SPTLC2: variants seen among roughly 807,000 people sequenced by gnomAD.
The protein encoded by SPTLC2 is serine palmitoyltransferase 2.
Under a neutral mutation model 62.0 loss-of-function variants are expected in SPTLC2, and 21 were observed. That is an observed-to-expected ratio of 0.34 (90% CI 0.24 to 0.49). The LOEUF (loss-of-function observed/expected upper bound fraction) is 0.49. SPTLC2 is among the 20% of genes least tolerant of loss of function. SPTLC2 has a pLI of 0.99. For missense variants in SPTLC2, 511 were observed against 713.0 expected (o/e 0.72, Z 3.23); for synonymous variants, 261 against 261.8 (o/e 1.00, Z 0.03).
intron 5 of SPTLC2, among the ~76,000 whole-genome samples, chr14:77,564,235 G>GAAA (rs1566781553): frequency 3.4e-5 from 1 of 29,208 alleles, no homozygotes; most frequent in Non-Finnish European, 9.9e-5. Context: ...CTGTCTGGGG[G>GAAA]GAAAAAAAAA....
intron 1 of SPTLC2, among the ~76,000 whole-genome samples, chr14:77,616,190 A>G (rs910664252): frequency 2.6e-5 from 4 of 152,166 alleles, no homozygotes; most frequent in African/African-American, 9.7e-5. Flanking sequence ...GGCAGAGAAA[A>G]GTACCCGGAG....
intron 9 of SPTLC2, among the ~76,000 whole-genome samples, chr14:77,527,355 T>G (rs1371627005): frequency 6.6e-6 from 1 of 152,182 alleles, no homozygotes; most frequent in South Asian, 2.1e-4. Flanking sequence ...GCACCAGGCC[T>G]AGATTTAGTT....
chr14:77,557,565 A>G (rs764754447), intron 6 of SPTLC2, among the ~76,000 whole-genome samples: 1 of 152,248 alleles, frequency 6.6e-6, no homozygotes, highest in Non-Finnish European at 1.5e-5. Context: ...AAACCATCAC[A>G]GACACATACT....
Position 77,506,019 on chromosome 14 carries a change from G to C in SPTLC2, c.*6265C>G, listed in dbSNP as rs1200473214. ...ATATATCTTTCTGAATATTTTATTA[G>C]GGCAAAACAAGATATTTGCATGGGA... On this transcript the variant is annotated 3_prime_UTR_variant, in exon 12 of 12. Coordinates refer to ENST00000216484, the MANE Select transcript of SPTLC2 (RefSeq NM_004863.4). The C allele has an allele frequency of 6.6e-6, 1 of 152,104 alleles. No homozygotes were observed. The highest frequency in any genetic ancestry group is 1.5e-5 in the Non-Finnish European group (1 of 68,010). The allele number at this position is 152,104 out of a possible 1,614,324, so 9.4% of individuals were successfully genotyped here.
In SPTLC2 at chr14:77,531,226, C is replaced by T. The variant is rs77169133; in HGVS notation, c.1304-9645G>A. Among the ~76,000 whole-genome samples the T allele has an allele frequency of 2.6e-5, 4 of 152,300 alleles. No individual in the cohort carries two copies. In the East Asian group the frequency reaches 5.8e-4, roughly 22 times the overall value. ...GCAAAACAGTTCTTCATTGTTTAGGCTGTTTAGTGCCTTGCACAACATTGA... is the reference window on the plus strand; with the variant it reads ...GCAAAACAGTTCTTCATTGTTTAGGTTGTTTAGTGCCTTGCACAACATTGA... On this transcript the variant is annotated intron_variant, in intron 9 of 11. Transcript: ENST00000216484.
chr14:77,559,541 A>G (rs2079603698), intron 6 of SPTLC2, among the ~76,000 whole-genome samples: 1 of 152,212 alleles, frequency 6.6e-6, no homozygotes, highest in Admixed American at 6.5e-5. Context: ...GTGTGGCAAC[A>G]AAAACATTTT....
intron 9 of SPTLC2, among the ~76,000 whole-genome samples, chr14:77,539,483 CTTTT>C (rs71128638): frequency 7.4e-3 from 396 of 53,476 alleles, no homozygotes; most frequent in African/African-American, 0.012. Context: ...TCTTAAGAGG[CTTTT>C]TTTTTTTTTT....
rs1329287599 is a variant in SPTLC2, at chr14:77,596,506, A to AAAAC, written c.327+679_327+680insGTTT. Among the ~76,000 whole-genome samples the AAAAC allele has an allele frequency of 7.3e-5, 10 of 136,946 alleles. No homozygotes were observed. The East Asian group carries it at 1.9e-3, about 26-fold the overall frequency. 89.8% of individuals were successfully genotyped at this position (136,946 alleles called of 152,430 possible). A position where few individuals can be genotyped will look rare whatever the true frequency, so the allele number is the denominator to read the frequency against. On this transcript the variant is annotated intron_variant, in intron 2 of 11. Coordinates refer to ENST00000216484, the MANE Select transcript of SPTLC2 (RefSeq NM_004863.4). The stretch of plus-strand genomic sequence containing the variant: ...TTGACAAAGCGAGACTCTGTCTCAA[A>AAAAC]AAATAAACAAACAAACAAACAAACA...
rs142347121 is a variant in SPTLC2, at chr14:77,529,492, C to G, written c.1304-7911G>C. ...AAACTACGTTTTCAAAGGCTATTAC[C>G]AAAGTAATTATGGAAGCTCTCAGTA... On this transcript the variant is annotated intron_variant, in intron 9 of 11. Transcript: ENST00000216484. 7.5e-3 allele frequency among the ~76,000 whole-genome samples: 1,135 copies of G among 151,808 alleles called. 5 individuals carry two copies. Among genetic ancestry groups the G allele is most frequent in the Non-Finnish European group, 0.013 (850 of 67,936 alleles).
chr14:77,539,110 A>T (rs74595313), intron 9 of SPTLC2, among the ~76,000 whole-genome samples: 4,301 of 152,016 alleles, frequency 0.028, 216 homozygotes, highest in African/African-American at 0.098. Context: ...ACGGTCTTTA[A>T]AAACTTATTT....
Position 77,513,840 on chromosome 14 carries a change from A to G in SPTLC2, c.1570-1437T>C, listed in dbSNP as rs145806065. Among the ~76,000 whole-genome samples the G allele has an allele frequency of 1.7e-3, 243 of 144,394 alleles. 1 individual carries two copies. The highest frequency in any genetic ancestry group is 5.8e-3 in the African/African-American group (230 of 39,852). 94.7% of individuals were successfully genotyped at this position (144,394 alleles called of 152,430 possible). ...AACCCAGGGGGCGGAGGCTGCGGTG[A>G]GTTGAGTTCATGCCATTGCCCTCCA... On this transcript the variant is annotated intron_variant, in intron 11 of 11. Transcript: ENST00000216484.
At chr14:77,561,055 G>C (rs377322407) in intron 6 of SPTLC2, among the ~76,000 whole-genome samples, 2 of 149,202 alleles carry the variant, frequency 1.3e-5, no homozygotes, top group East Asian at 4.0e-4. Flanking sequence ...ATAATGCTTA[G>C]AGGCAATTTG....
Position 77,507,332 on chromosome 14 carries a change from CTT to C in SPTLC2, c.*4950_*4951del, listed in dbSNP as rs373479393. 1.2e-4 allele frequency: 16 copies of C among 138,914 alleles called. No homozygotes were observed. The highest frequency in any genetic ancestry group is 3.6e-3 in the Middle Eastern group (1 of 276). The allele number at this position is 138,914 out of a possible 1,614,324, so 8.6% of individuals were successfully genotyped here. A position where few individuals can be genotyped will look rare whatever the true frequency, so the allele number is the denominator to read the frequency against. On this transcript the variant is annotated 3_prime_UTR_variant, in exon 12 of 12. Transcript: ENST00000216484. ...GCAATGGCTAGGGGCCTGGGCACACCTTTTTTTTTTTTTTTTGAGACAGAGTC... is the reference window on the plus strand; with the variant it reads ...GCAATGGCTAGGGGCCTGGGCACACCTTTTTTTTTTTTTTGAGACAGAGTC...
chr14:77,553,037 T>C (rs1333422560), intron 8 of SPTLC2, among the ~76,000 whole-genome samples: 1 of 152,060 alleles, frequency 6.6e-6, no homozygotes, highest in African/African-American at 2.4e-5. Flanking sequence ...TAAAATGATA[T>C]AAATGTGAAA....
In SPTLC2 at chr14:77,597,372, A is replaced by G. The variant is rs769901440; in HGVS notation, c.141T>C (p.His47=). The G allele has an allele frequency of 6.2e-7, 1 of 1,613,904 alleles. No individual in the cohort carries two copies. Among genetic ancestry groups the G allele is most frequent in the South Asian group, 1.1e-5 (1 of 91,078 alleles). ...AAAAAAGQIH[H]VTQNGGLYKR... ...TATATAGTCCTCCATTTTGTGTAAC[A>G]TGATGGATCTAAAAGAGAGGTTAAA... Residue 47 remains histidine, a synonymous_variant, in exon 2 of 12, where the codon CAT becomes CAC. Transcript: ENST00000216484.
chr14:77,603,604 A>G (rs951034821), intron 1 of SPTLC2, among the ~76,000 whole-genome samples: 2 of 152,166 alleles, frequency 1.3e-5, no homozygotes, highest in African/African-American at 4.8e-5. Flanking sequence ...TAGGCAGCAT[A>G]AATTCCTTAG....
chr14:77,538,868 G>C (rs572506354), intron 9 of SPTLC2, among the ~76,000 whole-genome samples: 14 of 152,128 alleles, frequency 9.2e-5, no homozygotes, highest in African/African-American at 3.1e-4. Flanking sequence ...ACTATCCCCA[G>C]CCTGTGGTAT....
intron 4 of SPTLC2, among the ~76,000 whole-genome samples, chr14:77,571,506 C>T (rs1172659017): frequency 2.9e-5 from 1 of 34,528 alleles, no homozygotes; most frequent in Non-Finnish European, 6.4e-5. Flanking sequence ...GAGACTCTGA[C>T]TCAAAAAAAA....
chr14:77,540,178 T>C (rs944046515), intron 9 of SPTLC2, among the ~76,000 whole-genome samples: 5 of 120,924 alleles, frequency 4.1e-5, no homozygotes, highest in Non-Finnish European at 7.9e-5. Flanking sequence ...CCTGCCAGCA[T>C]GGGCAACAAG....
Sources: allele counts gnomAD v4.1 joint callset (sites outside exome capture counted in the v4.1 genomes callset), GRCh38; gene constraint gnomAD v4.1.1; transcripts MANE v1.5; gene names NCBI Gene and HGNC (gene_info 2026-07-23, HGNC 2026-07-21).